Variants in PTPRD observed in about 807,000 individuals in gnomAD.
PTPRD encodes protein tyrosine phosphatase receptor type D, also known as receptor-type tyrosine-protein phosphatase delta.
A neutral mutation model predicts 214.5 loss-of-function variants in PTPRD; 34 were observed. The observed-to-expected ratio is 0.16, with a 90% CI of 0.12 to 0.21. The LOEUF (loss-of-function observed/expected upper bound fraction) is 0.21, where lower values mean the gene tolerates loss of function less well. Among genes scored for constraint, PTPRD ranks in the 10% least tolerant of loss-of-function variants. The probability of loss-of-function intolerance (pLI) is 1.00; values close to 1 mark genes in which losing one functional copy is unlikely to be tolerated. For synonymous variants in PTPRD, 1,128 were observed against 845.7 expected (o/e 1.33, Z -5.79); for missense variants, 2,545 against 2,398.7 (o/e 1.06, Z -1.27).
chr9:9,239,080 C>T (rs893304409), intron 9 of PTPRD, among the ~76,000 whole-genome samples: 18 of 152,120 alleles, frequency 1.2e-4, no homozygotes, highest in African/African-American at 4.3e-4. Flanking sequence ...TGCAATCTCC[C>T]TGTGCCCATG....
chr9:9,949,768 T>C (rs1377725862), intron 4 of PTPRD, among the ~76,000 whole-genome samples: 1 of 152,202 alleles, frequency 6.6e-6, no homozygotes, highest in Non-Finnish European at 1.5e-5. Flanking sequence ...TCAGGTCATG[T>C]GTTATCTTCA....
chr9:9,947,536 TATATAA>T (rs2092888580), intron 4 of PTPRD, among the ~76,000 whole-genome samples: 11 of 30,264 alleles, frequency 3.6e-4, no homozygotes, highest in Non-Finnish European at 5.6e-4. Context: ...ATATATTTTA[TATATAA>T]TATATATATT....
chr9:10,481,077 T>C (rs1260385668), intron 2 of PTPRD, among the ~76,000 whole-genome samples: 3 of 151,914 alleles, frequency 2.0e-5, no homozygotes, highest in South Asian at 2.1e-4. Context: ...TAGATGATCA[T>C]TAAAAATCTA....
Position 8,436,651 on chromosome 9 carries a change from C to A in PTPRD, c.4027G>T (p.Ala1343Ser). The change falls in exon 35 of 46, where the codon GCA becomes TCA. Residue 1343 changes from alanine to serine, a missense_variant. Physicochemically the swap from Ala to Ser is moderately conservative, Grantham distance 99. Coordinates refer to ENST00000381196, the MANE Select transcript of PTPRD (RefSeq NM_002839.4). ...GCTTTCAATCTTTCAATGTGGTCTG[C>A]AAGTTCCAAGATGGGTATTGGAGGA... ...SHPPIPILEL[A>S]DHIERLKAND... 6.2e-7 allele frequency: 1 copy of A among 1,613,394 alleles called. No homozygotes were observed. Among genetic ancestry groups the A allele is most frequent in the South Asian group, 1.1e-5 (1 of 91,060 alleles).
At position 9,498,162 on chromosome 9, in the gene PTPRD, T is replaced by C. The variant is rs541399267; in HGVS notation, c.-237+76570A>G. On this transcript the variant is annotated intron_variant, in intron 8 of 45. Transcript: ENST00000381196. The stretch of plus-strand genomic sequence containing the variant: ...CAGTAGTGCCTGCCTCTGTTCAACA[T>C]TGTTTTAGCGGCACAGTTGTAGGAT... 5.3e-5 allele frequency among the ~76,000 whole-genome samples: 8 copies of C among 152,206 alleles called. No homozygotes were observed. In the South Asian group the frequency reaches 6.2e-4, roughly 12 times the overall value.
At chr9:9,317,581 A>G (rs1963962240) in intron 9 of PTPRD, among the ~76,000 whole-genome samples, 1 of 152,050 alleles carries the variant, frequency 6.6e-6, no homozygotes, top group Non-Finnish European at 1.5e-5. Context: ...TTAGTCTTCT[A>G]TCTGGTCTTC....
intron 7 of PTPRD, among the ~76,000 whole-genome samples, chr9:9,731,022 T>C (rs570935117): frequency 2.0e-5 from 3 of 152,274 alleles, no homozygotes; most frequent in South Asian, 2.1e-4. Flanking sequence ...CACACACAGA[T>C]ACAAAATTCA....
intron 8 of PTPRD, among the ~76,000 whole-genome samples, chr9:9,436,435 T>C (rs1265135606): frequency 6.6e-6 from 1 of 152,158 alleles, no homozygotes; most frequent in African/African-American, 2.4e-5. Context: ...GATTTATAGT[T>C]AACACTGACT....
chr9:8,546,337 G>A (rs2080134041), intron 14 of PTPRD, among the ~76,000 whole-genome samples: 1 of 152,148 alleles, frequency 6.6e-6, no homozygotes, highest in African/African-American at 2.4e-5. Context: ...ATTAACCTGA[G>A]GGACTTTAGC....
intron 8 of PTPRD, among the ~76,000 whole-genome samples, chr9:9,433,090 T>G (rs950249674): frequency 1.3e-5 from 2 of 152,088 alleles, no homozygotes; most frequent in African/African-American, 4.8e-5. Flanking sequence ...ACAAGGTAGA[T>G]AAGGGGCATC....
At chr9:9,290,162 G>A (rs529273390) in intron 9 of PTPRD, among the ~76,000 whole-genome samples, 1 of 151,814 alleles carries the variant, frequency 6.6e-6, no homozygotes, top group South Asian at 2.1e-4. Context: ...AAACAGATGT[G>A]AGGTGATACC....
intron 2 of PTPRD, among the ~76,000 whole-genome samples, chr9:10,341,545 T>C (rs1055301698): frequency 4.6e-5 from 7 of 151,992 alleles, no homozygotes; most frequent in Admixed American, 3.3e-4. Context: ...CTTCACACTT[T>C]CAATATTGTT....
chr9:10,323,801 A>T (rs1206420442), intron 3 of PTPRD, among the ~76,000 whole-genome samples: 6 of 151,990 alleles, frequency 3.9e-5, no homozygotes, highest in Admixed American at 3.9e-4. Flanking sequence ...TAATAAGTGT[A>T]TTATTTATTC....
At chr9:9,906,650 A>G (rs1244520062) in intron 5 of PTPRD, among the ~76,000 whole-genome samples, 1 of 151,968 alleles carries the variant, frequency 6.6e-6, no homozygotes, top group African/African-American at 2.4e-5. Flanking sequence ...TAACTCACCT[A>G]TCATATAATC....
intron 9 of PTPRD, among the ~76,000 whole-genome samples, chr9:9,201,897 C>T (rs944877081): frequency 1.3e-5 from 2 of 152,148 alleles, no homozygotes; most frequent in Non-Finnish European, 2.9e-5. Context: ...GCAAAAAGCC[C>T]ATAGTGAAGT....
At chr9:9,043,236 T>C (rs1269845607) in intron 10 of PTPRD, among the ~76,000 whole-genome samples, 4 of 152,180 alleles carry the variant, frequency 2.6e-5, no homozygotes, top group Admixed American at 2.0e-4. Flanking sequence ...ACTTAATTAG[T>C]ACATCTCCTC....
chr9:9,115,046 G>C lies in PTPRD; in HGVS notation c.-143+68258C>G, dbSNP rs1173632120. Among the ~76,000 whole-genome samples, 3 of 152,158 alleles carry C rather than the reference G, an allele frequency of 2.0e-5. No individual in the cohort carries two copies. The East Asian group carries it at 5.8e-4, about 29-fold the overall frequency. On this transcript the variant is annotated intron_variant, in intron 10 of 45. Transcript: ENST00000381196. ...GTATCCAAACAAAGCTTGGGTGGCT[G>C]TCCTGAACTGGAGCTCAGAAAGATC...
chr9:8,462,605 C>G (rs375852665), intron 32 of PTPRD, among the ~76,000 whole-genome samples: 24 of 151,954 alleles, frequency 1.6e-4, no homozygotes, highest in Admixed American at 6.6e-4. Context: ...AGGCTCTATT[C>G]TTGTTCCTCA....
chr9:9,102,172 A>G (rs2099792281), intron 10 of PTPRD, among the ~76,000 whole-genome samples: 1 of 152,204 alleles, frequency 6.6e-6, no homozygotes, highest in Admixed American at 6.5e-5. Context: ...TGTTTTATAA[A>G]TATGTAGGTT....
Sources: gnomAD v4.1 joint callset for allele counts (sites outside exome capture counted in the v4.1 genomes callset) on GRCh38, gnomAD v4.1.1 for gene constraint, MANE v1.5 for transcripts, NCBI Gene and HGNC (gene_info 2026-07-23, HGNC 2026-07-21) for gene names.